RNF17: variants seen among roughly 807,000 people sequenced by gnomAD.
The protein encoded by RNF17 is ring finger protein 17, also known as spermatogenesis associated 23.
Under a neutral mutation model 200.5 loss-of-function variants are expected in RNF17, and 31 were observed. The observed-to-expected ratio is 0.15, with a 90% CI of 0.12 to 0.21. RNF17 has a LOEUF of 0.21. Ranked by LOEUF, RNF17 falls within the 10% of genes least tolerant of loss-of-function variation. The pLI, the probability that RNF17 is intolerant of heterozygous loss-of-function variation, is 1.00. For synonymous variants in RNF17, 606 were observed against 637.8 expected (o/e 0.95, Z 0.75); for missense variants, 1,628 against 1,905.1 (o/e 0.85, Z 2.71).
chr13:24,771,785 C>G (rs1880755058), intron 2 of RNF17, among the ~76,000 whole-genome samples: 1 of 151,890 alleles, frequency 6.6e-6, no homozygotes, highest in African/African-American at 2.4e-5. Flanking sequence ...GTGGGTGGAT[C>G]ACATGAGGTC....
intron 4 of RNF17, among the ~76,000 whole-genome samples, chr13:24,779,104 T>C (rs555358731): frequency 8.2e-4 from 124 of 152,036 alleles, no homozygotes; most frequent in African/African-American, 2.8e-3. Flanking sequence ...GGCTGAGGCA[T>C]GAGAATCTCT....
At chr13:24,816,499 A>AT (rs1392850669) in intron 15 of RNF17, among the ~76,000 whole-genome samples, 1 of 152,202 alleles carries the variant, frequency 6.6e-6, no homozygotes, top group East Asian at 1.9e-4. Flanking sequence ...CATGCAAATA[A>AT]TTTCCCCCCT....
intron 32 of RNF17, 97 bp from the exon 33 acceptor site, chr13:24,874,017 A>C: frequency 8.2e-7 from 1 of 1,221,004 alleles, no homozygotes. Context: ...TGCAACAAAC[A>C]TGGGGTACAA....
At chr13:24,888,537 A>C in the RNF17 span, among the ~76,000 whole-genome samples, 1 of 152,196 alleles carries the variant, frequency 6.6e-6, no homozygotes, top group Admixed American at 6.5e-5. Flanking sequence ...GTCTGGCCAG[A>C]TCAAGTGTTT....
chr13:24,815,559 C>T (rs1011910364), intron 15 of RNF17, among the ~76,000 whole-genome samples: 1 of 150,976 alleles, frequency 6.6e-6, no homozygotes, highest in African/African-American at 2.4e-5. Context: ...GATTTGGATG[C>T]CTTTTGTCTT....
chr13:24,764,780 G>A (rs546807979), intron 1 of RNF17, among the ~76,000 whole-genome samples: 1 of 152,114 alleles, frequency 6.6e-6, no homozygotes, highest in African/African-American at 2.4e-5. Flanking sequence ...GTTGTTGTTA[G>A]CATTTTGTTG....
intron 6 of RNF17, among the ~76,000 whole-genome samples, chr13:24,784,210 G>T (rs1404756341): frequency 1.3e-5 from 2 of 152,160 alleles, no homozygotes; most frequent in African/African-American, 2.4e-5. Flanking sequence ...TGCTTTCCAG[G>T]AATAAATCCC....
intron 15 of RNF17, among the ~76,000 whole-genome samples, chr13:24,807,393 T>C (rs1370293194): frequency 6.6e-6 from 1 of 152,064 alleles, no homozygotes. Flanking sequence ...ATTTCTCTGA[T>C]GGCCAGTGAT....
intron 33 of RNF17, 134 bp downstream of exon 33, chr13:24,874,383 G>A: frequency 1.8e-6 from 1 of 557,064 alleles, no homozygotes; most frequent in Non-Finnish European, 2.8e-6. Context: ...TTTTTTTCGT[G>A]TTAAAGTATA....
At chr13:24,794,464 AG>A (rs1566142570) in intron 10 of RNF17, among the ~76,000 whole-genome samples, 1 of 152,152 alleles carries the variant, frequency 6.6e-6, no homozygotes, top group Non-Finnish European at 1.5e-5. Context: ...ATTTGAGCTC[AG>A]GAGTTCGAAA....
chr13:24,778,959 T>G (rs1813582), intron 4 of RNF17, among the ~76,000 whole-genome samples: 1 of 152,156 alleles, frequency 6.6e-6, no homozygotes, highest in East Asian at 1.9e-4. Context: ...GAGACCAAGA[T>G]GGGTAGATCA....
At chr13:24,812,821 A>G (rs2137842795) in intron 15 of RNF17, among the ~76,000 whole-genome samples, 2 of 151,848 alleles carry the variant, frequency 1.3e-5, no homozygotes, top group Admixed American at 1.3e-4. Context: ...AGCTGGGACT[A>G]CGGGTGCCTG....
chr13:24,886,673 C>T, the RNF17 span, among the ~76,000 whole-genome samples: 2 of 152,078 alleles, frequency 1.3e-5, no homozygotes, highest in Admixed American at 1.3e-4. Flanking sequence ...ATGCTTCACC[C>T]CCACAGGTTA....
chr13:24,871,245 T>C lies in RNF17; in HGVS notation c.4447+506T>C, dbSNP rs764619065. Among the ~76,000 whole-genome samples the C allele has an allele frequency of 1.1e-4, 16 of 152,372 alleles. No homozygotes were observed. The Middle Eastern group carries it at 0.014, about 130-fold the overall frequency. The stretch of plus-strand genomic sequence containing the variant: ...CCTCTGAGGAAAATGTATCTAGTTA[T>C]TGCGGTATGTAATGCATAGAGATGT... On this transcript the variant is annotated intron_variant, in intron 32 of 35. Coordinates refer to ENST00000255324, the MANE Select transcript of RNF17 (RefSeq NM_031277.3).
At chr13:24,804,510 G>A (rs955318021) in intron 15 of RNF17, 81 bp downstream of exon 15, 12 of 1,060,136 alleles carry the variant, frequency 1.1e-5, no homozygotes, top group South Asian at 5.1e-5. Context: ...AGTATCTACC[G>A]TCAATTTTAG....
chr13:24,751,193 C>T, the RNF17 span: 4 of 152,050 alleles, frequency 2.6e-5, no homozygotes, highest in African/African-American at 9.7e-5. Flanking sequence ...TCGTCTTTCT[C>T]TTTCCTGGGA....
downstream of RNF17, among the ~76,000 whole-genome samples, chr13:24,881,922 A>C: frequency 2.6e-5 from 2 of 77,972 alleles, no homozygotes; most frequent in Non-Finnish European, 6.4e-5. Flanking sequence ...ATACATCTAT[A>C]TAGATATATA....
chr13:24,839,842 A>G (rs1890420350), intron 18 of RNF17, among the ~76,000 whole-genome samples: 3 of 152,230 alleles, frequency 2.0e-5, no homozygotes, highest in African/African-American at 7.2e-5. Context: ...CATGACCAAG[A>G]ACCCAAAAGC....
intron 15 of RNF17, among the ~76,000 whole-genome samples, chr13:24,815,645 T>C (rs945814245): frequency 2.0e-5 from 3 of 152,220 alleles, no homozygotes; most frequent in Admixed American, 2.0e-4. Context: ...CCTTGTCTTA[T>C]TCCTGTCTTA....
Sources: gnomAD v4.1 joint callset for allele counts (sites outside exome capture counted in the v4.1 genomes callset) on GRCh38, gnomAD v4.1.1 for gene constraint, MANE v1.5 for transcripts, NCBI Gene and HGNC (gene_info 2026-07-23, HGNC 2026-07-21) for gene names.